Variants in PRICKLE2 observed in about 807,000 individuals in gnomAD.
PRICKLE2 encodes the protein prickle planar cell polarity protein 2.
A neutral mutation model predicts 81.4 loss-of-function variants in PRICKLE2; 21 were observed. The ratio of observed to expected loss-of-function variants is 0.26; its 90% confidence interval spans 0.18 to 0.37. The LOEUF (loss-of-function observed/expected upper bound fraction) is 0.37, where lower values mean the gene tolerates loss of function less well. PRICKLE2 is among the 10% of genes least tolerant of loss of function. The probability of loss-of-function intolerance (pLI) is 1.00; values close to 1 mark genes in which losing one functional copy is unlikely to be tolerated. For synonymous variants in PRICKLE2, 456 were observed against 421.5 expected, an observed-to-expected ratio of 1.08 and a Z score of -1.00; for missense variants, 940 against 1,109.0, an observed-to-expected ratio of 0.85 and a Z score of 2.16.
At chr3:64,238,589 T>C (rs2079217175) in intron 2 of PRICKLE2, among the ~76,000 whole-genome samples, 2 of 151,984 alleles carry the variant, frequency 1.3e-5, no homozygotes, top group African/African-American at 2.4e-5. Context: ...AGAGCCAGTG[T>C]CTGTAAGAGG....
At chr3:64,197,825 T>G (rs1362175571) in intron 2 of PRICKLE2, among the ~76,000 whole-genome samples, 2 of 152,002 alleles carry the variant, frequency 1.3e-5, no homozygotes, top group Non-Finnish European at 2.9e-5. Flanking sequence ...TGTGACAAAC[T>G]TGCACATGTA....
intron 7 of PRICKLE2, 86 bp downstream of exon 7, chr3:64,146,742 CAA>C (rs74861606): frequency 1.3e-3 from 1,510 of 1,184,786 alleles, no homozygotes; most frequent in Non-Finnish European, 1.4e-3. Context: ...GACTCCATTT[CAA>C]AAAAAAAAAA....
rs1482533042 is a variant in PRICKLE2, at chr3:64,094,686, A to G, written c.*4365T>C. ...TTTCTTGATCTTTACTTTGAGGACT[A>G]CTTCCAAATGGTCATAAGAATAAGC... On this transcript the variant is annotated 3_prime_UTR_variant, in exon 8 of 8. Transcript: ENST00000638394. The G allele has an allele frequency of 6.6e-6, 1 of 152,574 alleles. No homozygotes were observed. The highest frequency in any genetic ancestry group is 1.9e-4 in the East Asian group (1 of 5,200). The allele number at this position is 152,574 out of a possible 1,614,324, so 9.5% of individuals were successfully genotyped here. A position where few individuals can be genotyped will look rare whatever the true frequency, so the allele number is the denominator to read the frequency against.
chr3:64,140,108 A>T (rs2077337750), intron 7 of PRICKLE2, among the ~76,000 whole-genome samples: 1 of 152,206 alleles, frequency 6.6e-6, no homozygotes, highest in African/African-American at 2.4e-5. Context: ...AGGGTGTTAG[A>T]CACTGTTCTA....
intron 2 of PRICKLE2, among the ~76,000 whole-genome samples, chr3:64,176,047 A>C (rs1163514362): frequency 1.3e-5 from 2 of 152,186 alleles, no homozygotes; most frequent in Non-Finnish European, 2.9e-5. Flanking sequence ...CTGGAGTCTC[A>C]ACCATCACAT....
At chr3:64,172,293 T>A (rs970930896) in intron 2 of PRICKLE2, among the ~76,000 whole-genome samples, 1 of 152,268 alleles carries the variant, frequency 6.6e-6, no homozygotes, top group Admixed American at 6.5e-5. Flanking sequence ...TTTGCGTATA[T>A]GCCCTATTAA....
At chr3:64,221,426 C>G (rs928275160) in intron 1 of PRICKLE2, among the ~76,000 whole-genome samples, 1 of 142,434 alleles carries the variant, frequency 7.0e-6, no homozygotes, top group African/African-American at 2.6e-5. Flanking sequence ...TTCATACACA[C>G]ACACACACAC....
At chr3:64,260,858 T>C (rs2079605940) in intron 2 of PRICKLE2, among the ~76,000 whole-genome samples, 1 of 152,286 alleles carries the variant, frequency 6.6e-6, no homozygotes, top group African/African-American at 2.4e-5. Context: ...TTAAAAAATA[T>C]ATATGTTTAC....
chr3:64,177,325 C>T (rs2078043708), intron 2 of PRICKLE2, among the ~76,000 whole-genome samples: 1 of 151,664 alleles, frequency 6.6e-6, no homozygotes, highest in Admixed American at 6.6e-5. Context: ...TTAATAGAGA[C>T]AGGGTCTCAC....
intron 2 of PRICKLE2, among the ~76,000 whole-genome samples, chr3:64,264,036 A>C (rs2079657597): frequency 6.6e-6 from 1 of 152,112 alleles, no homozygotes; most frequent in Non-Finnish European, 1.5e-5. Flanking sequence ...TAAATTATAA[A>C]GAGAAGACCG....
chr3:64,156,267 C>A (rs1013094616), intron 5 of PRICKLE2, among the ~76,000 whole-genome samples: 1 of 152,150 alleles, frequency 6.6e-6, no homozygotes, highest in Non-Finnish European at 1.5e-5. Context: ...TCAGCTTCCT[C>A]CTAGAAAGTG....
chr3:64,115,890 C>T (rs1263781281), intron 7 of PRICKLE2, among the ~76,000 whole-genome samples: 1 of 152,102 alleles, frequency 6.6e-6, no homozygotes, highest in East Asian at 1.9e-4. Flanking sequence ...AAACAGAATA[C>T]ACATTCTTCT....
intron 2 of PRICKLE2, among the ~76,000 whole-genome samples, chr3:64,261,024 T>C (rs192213335): frequency 1.1e-4 from 16 of 152,106 alleles, no homozygotes; most frequent in Non-Finnish European, 2.2e-4. Context: ...TTAGCTAGGG[T>C]TGCAATTTTT....
intron 2 of PRICKLE2, among the ~76,000 whole-genome samples, chr3:64,252,224 T>C (rs2079457368): frequency 6.6e-6 from 1 of 152,142 alleles, no homozygotes; most frequent in African/African-American, 2.4e-5. Context: ...TGTGAGGCAA[T>C]CACCATGATT....
chr3:64,111,065 G>A (rs981818382), intron 7 of PRICKLE2, among the ~76,000 whole-genome samples: 2 of 151,798 alleles, frequency 1.3e-5, no homozygotes, highest in African/African-American at 4.8e-5. Flanking sequence ...ATTGGCTTTG[G>A]AGTTCACCTT....
chr3:64,184,292 A>G (rs1425541177), intron 2 of PRICKLE2, among the ~76,000 whole-genome samples: 1 of 152,198 alleles, frequency 6.6e-6, no homozygotes, highest in Admixed American at 6.5e-5. Flanking sequence ...TGACCTCAAC[A>G]AGGTAAAACA....
chr3:64,166,791 G>A (rs67544611), intron 2 of PRICKLE2, among the ~76,000 whole-genome samples: 28,055 of 152,114 alleles, frequency 0.18, 2,863 homozygotes, highest in Non-Finnish European at 0.21. Context: ...TCTGAGGAAG[G>A]AGAATGATTT....
intron 2 of PRICKLE2, among the ~76,000 whole-genome samples, chr3:64,179,028 TTTCTTTC>T (rs1208462912): frequency 6.7e-4 from 88 of 132,142 alleles, no homozygotes; most frequent in African/African-American, 2.1e-3. Flanking sequence ...TCTTTCTTTC[TTTCTTTC>T]TTTTCTTTCC....
intron 7 of PRICKLE2, among the ~76,000 whole-genome samples, chr3:64,112,547 G>C (rs1327356281): frequency 6.6e-6 from 1 of 152,318 alleles, no homozygotes; most frequent in East Asian, 1.9e-4. Flanking sequence ...ATAATAAAGG[G>C]TGGGGATAAA....
Sources: allele counts gnomAD v4.1 joint callset (sites outside exome capture counted in the v4.1 genomes callset), GRCh38; gene constraint gnomAD v4.1.1; transcripts MANE v1.5; gene names NCBI Gene and HGNC (gene_info 2026-07-23, HGNC 2026-07-21).